Variants in CCSER2 observed in about 807,000 individuals in gnomAD.
The protein encoded by CCSER2 is serine-rich coiled-coil domain-containing protein 2.
In CCSER2, 46 loss-of-function variants were observed where a neutral mutation model predicts 92.3. That is an observed-to-expected ratio of 0.50 (90% CI 0.39 to 0.64). The LOEUF is 0.64. CCSER2 is among the 30% of genes least tolerant of loss of function. The probability of loss-of-function intolerance (pLI) is 0.00; values close to 1 mark genes in which losing one functional copy is unlikely to be tolerated. For missense variants in CCSER2, 1,244 were observed against 1,238.9 expected (o/e 1.00, Z -0.06); for synonymous variants, 433 against 431.4 (o/e 1.00, Z -0.04).
intron 9 of CCSER2, among the ~76,000 whole-genome samples, chr10:84,494,562 C>T (rs1363115834): frequency 6.6e-6 from 1 of 152,170 alleles, no homozygotes; most frequent in Non-Finnish European, 1.5e-5. Flanking sequence ...TCAAATGCTT[C>T]TATTTCCCCC....
At chr10:84,359,990 T>A (rs545593757) in intron 1 of CCSER2, among the ~76,000 whole-genome samples, 2 of 152,104 alleles carry the variant, frequency 1.3e-5, no homozygotes, top group African/African-American at 4.8e-5. Flanking sequence ...ATTTTTGTAT[T>A]TTTAGTAGAG....
intron 9 of CCSER2, among the ~76,000 whole-genome samples, chr10:84,481,732 G>A (rs890453349): frequency 3.3e-5 from 5 of 152,178 alleles, no homozygotes; most frequent in Non-Finnish European, 5.9e-5. Flanking sequence ...TGTGAAGCAC[G>A]TCTTAGTGGA....
intron 8 of CCSER2, among the ~76,000 whole-genome samples, chr10:84,476,732 C>T (rs180720120): frequency 4.2e-4 from 64 of 152,158 alleles, no homozygotes; most frequent in Non-Finnish European, 8.7e-4. Flanking sequence ...CGTGAGCCAC[C>T]GTGCCTGGCC....
At chr10:84,343,904 A>T (rs1025875906) in intron 1 of CCSER2, among the ~76,000 whole-genome samples, 14 of 152,204 alleles carry the variant, frequency 9.2e-5, no homozygotes, top group African/African-American at 3.4e-4. Context: ...TTTGAGTATT[A>T]GTGTGTGGAA....
chr10:84,388,052 A>T lies in CCSER2; in HGVS notation c.1614+14237A>T, dbSNP rs578084236. On this transcript the variant is annotated intron_variant, in intron 3 of 9. Transcript: ENST00000372088. ...CTAATTTTTTGTAGTTTTAGTAGAG[A>T]CGTGGTTTCACCATGCTGGCCAGGC... Among the ~76,000 whole-genome samples, 31 of 151,852 alleles carry T rather than the reference A, an allele frequency of 2.0e-4. No individual in the cohort carries two copies. The South Asian group carries it at 6.0e-3, about 29-fold the overall frequency.
At chr10:84,463,876 C>A in intron 6 of CCSER2, 57 bp from the exon 7 acceptor site, 1 of 1,197,942 alleles carries the variant, frequency 8.3e-7, no homozygotes, top group South Asian at 1.3e-5. Flanking sequence ...TCAGGTTGAA[C>A]TGAATGTCCA....
intron 3 of CCSER2, among the ~76,000 whole-genome samples, chr10:84,380,570 A>G (rs973568871): frequency 1.3e-5 from 2 of 151,832 alleles, no homozygotes; most frequent in African/African-American, 4.8e-5. Flanking sequence ...CCATAGAGGT[A>G]TTTTGTTTAC....
At chr10:84,364,444 A>G (rs183486603) in intron 1 of CCSER2, among the ~76,000 whole-genome samples, 2 of 152,286 alleles carry the variant, frequency 1.3e-5, no homozygotes, top group Admixed American at 6.5e-5. Flanking sequence ...TGGCCCTGGA[A>G]TCAGGTAAAC....
chr10:84,330,953 T>C (rs1564570591), intron 1 of CCSER2, among the ~76,000 whole-genome samples: 1 of 152,220 alleles, frequency 6.6e-6, no homozygotes, highest in Non-Finnish European at 1.5e-5. Flanking sequence ...TCCAGGTCTT[T>C]TGACCATCTG....
In CCSER2 at chr10:84,371,044, T is replaced by G. The variant is rs552680253; in HGVS notation, c.-9T>G. On this transcript the variant is annotated 5_prime_UTR_variant, in exon 2 of 10. Coordinates refer to ENST00000372088, the MANE Select transcript of CCSER2 (RefSeq NM_001284240.2). ...TTCAACTTTTAAGAACAAATGCACC[T>G]TATAGCTCATGGAAGAAAAAACACA... 22 of 1,560,598 alleles carry G rather than the reference T, an allele frequency of 1.4e-5. No homozygotes were observed. The highest frequency in any genetic ancestry group is 3.9e-5 in the Admixed American group (2 of 51,280).
chr10:84,502,978 A>C (rs951723092), intron 9 of CCSER2, among the ~76,000 whole-genome samples: 8 of 152,100 alleles, frequency 5.3e-5, no homozygotes, highest in Admixed American at 2.6e-4. Context: ...TAATCCCAGC[A>C]CTTTGTGGGG....
intron 1 of CCSER2, among the ~76,000 whole-genome samples, chr10:84,357,810 T>TGA (rs2133100697): frequency 6.6e-6 from 1 of 152,326 alleles, no homozygotes; most frequent in South Asian, 2.1e-4. Flanking sequence ...GAGTGCAAGG[T>TGA]TCATATCTGT....
At chr10:84,352,317 C>A (rs76960397) in intron 1 of CCSER2, among the ~76,000 whole-genome samples, 2 of 151,516 alleles carry the variant, frequency 1.3e-5, no homozygotes, top group African/African-American at 2.4e-5. Context: ...AAAACAAAAA[C>A]AAAATAGGTG....
At chr10:84,446,047 A>T (rs992249749) in intron 6 of CCSER2, among the ~76,000 whole-genome samples, 2 of 151,464 alleles carry the variant, frequency 1.3e-5, no homozygotes, top group Middle Eastern at 7.0e-3. Context: ...TAAAGTAGTT[A>T]TACCTACCCA....
intron 9 of CCSER2, among the ~76,000 whole-genome samples, chr10:84,500,475 G>A (rs1038818000): frequency 1.3e-5 from 2 of 152,268 alleles, no homozygotes; most frequent in African/African-American, 4.8e-5. Flanking sequence ...TTTTCTAAAA[G>A]TGGTTTAAAA....
chr10:84,397,357 T>C (rs1841899877), intron 3 of CCSER2, among the ~76,000 whole-genome samples: 1 of 152,196 alleles, frequency 6.6e-6, no homozygotes, highest in Non-Finnish European at 1.5e-5. Context: ...TACTGAAACT[T>C]CATTTGATGT....
At chr10:84,370,480 A>G (rs1006672437) in intron 1 of CCSER2, among the ~76,000 whole-genome samples, 3 of 151,972 alleles carry the variant, frequency 2.0e-5, no homozygotes, top group Non-Finnish European at 4.4e-5. Flanking sequence ...GCAACCTGTG[A>G]CTTTACTGGA....
intron 3 of CCSER2, among the ~76,000 whole-genome samples, chr10:84,416,716 C>T (rs1842903792): frequency 6.6e-6 from 1 of 152,058 alleles, no homozygotes; most frequent in African/African-American, 2.4e-5. Flanking sequence ...ATCATGAGGT[C>T]AGGAGATCGA....
chr10:84,438,491 C>T (rs774650535), intron 5 of CCSER2, 21 bp from the exon 6 acceptor site: 1 of 1,418,846 alleles, frequency 7.0e-7, no homozygotes, highest in African/African-American at 1.4e-5. Flanking sequence ...TTTCCCTCCA[C>T]CTTCTTCCCT....
Sources: allele counts gnomAD v4.1 joint callset (sites outside exome capture counted in the v4.1 genomes callset), GRCh38; gene constraint gnomAD v4.1.1; transcripts MANE v1.5; gene names NCBI Gene and HGNC (gene_info 2026-07-23, HGNC 2026-07-21).